Variants in ADORA2B observed in about 807,000 individuals in gnomAD.
ADORA2B encodes adenosine A2b receptor, also known as adenosine receptor A2b.
In ADORA2B, 18 loss-of-function variants were observed where a neutral mutation model predicts 20.8. That is an observed-to-expected ratio of 0.87 (90% CI 0.60 to 1.29). The LOEUF is 1.29. ADORA2B is among the 50% of genes most tolerant of loss of function. ADORA2B has a pLI of 0.00. For missense variants in ADORA2B, 441 were observed against 422.7 expected (o/e 1.04, Z -0.38); for synonymous variants, 179 against 178.3 (o/e 1.00, Z -0.03).
At chr17:15,871,736 TGGG>T in the ADORA2B span, among the ~76,000 whole-genome samples, 23 of 152,252 alleles carry the variant, frequency 1.5e-4, no homozygotes, top group Non-Finnish European at 3.1e-4. Flanking sequence ...ATTAATTCCT[TGGG>T]GGAATTAAAC....
At chr17:15,884,309 C>T in the ADORA2B span, among the ~76,000 whole-genome samples, 13 of 152,328 alleles carry the variant, frequency 8.5e-5, no homozygotes, top group Non-Finnish European at 1.9e-4. Flanking sequence ...TCTGTGCTGG[C>T]TGAACCTTAG....
the ADORA2B span, among the ~76,000 whole-genome samples, chr17:15,852,501 A>T: frequency 6.6e-6 from 1 of 152,320 alleles, no homozygotes; most frequent in East Asian, 1.9e-4. Flanking sequence ...TTTAAAAAAT[A>T]CTAAGTATAC....
chr17:15,898,325 G>C, the ADORA2B span, among the ~76,000 whole-genome samples: 1 of 151,788 alleles, frequency 6.6e-6, no homozygotes, highest in East Asian at 1.9e-4. Flanking sequence ...ATGGCGTTTT[G>C]CTTTTCTGCC....
the ADORA2B span, among the ~76,000 whole-genome samples, chr17:15,851,150 A>G: frequency 3.4e-3 from 516 of 151,564 alleles, 2 homozygotes; most frequent in African/African-American, 0.012. Flanking sequence ...TTTGACCACT[A>G]AAGGGGCTAT....
intron 1 of ADORA2B, among the ~76,000 whole-genome samples, chr17:15,958,681 G>C (rs941912848): frequency 6.6e-6 from 1 of 152,064 alleles, no homozygotes; most frequent in Non-Finnish European, 1.5e-5. Flanking sequence ...AGGCCTTTGC[G>C]CATGTGTTTC....
rs776322369 is a variant in ADORA2B at position 15,974,705 on chromosome 17, G to A, written c.362G>A (p.Arg121Gln). The A allele has an allele frequency of 8.1e-6, 13 of 1,613,906 alleles. No homozygotes were observed. The highest frequency in any genetic ancestry group is 3.3e-4 in the Middle Eastern group (2 of 6,060). ...TATAAAAGTTTGGTCACGGGGACCC[G>A]AGCAAGAGGGGTCATTGCTGTCCTC... Reference protein sequence around the residue: ...LRYKSLVTGTRARGVIAVLWV... With the variant: ...LRYKSLVTGTQARGVIAVLWV... Residue 121 changes from arginine to glutamine, a missense_variant, in exon 2 of 2, where the codon CGA (arginine) becomes CAA (glutamine). By Grantham distance (43) the Arg-to-Gln change is conservative. Coordinates refer to ENST00000304222, the MANE Select transcript of ADORA2B (RefSeq NM_000676.4).
chr17:15,888,851 T>G, the ADORA2B span, among the ~76,000 whole-genome samples: 2 of 6,968 alleles, frequency 2.9e-4, no homozygotes, highest in Non-Finnish European at 4.5e-4. Context: ...TATATATATA[T>G]TTTTTTTTTT....
chr17:15,914,052 C>T, the ADORA2B span, among the ~76,000 whole-genome samples: 4 of 152,178 alleles, frequency 2.6e-5, no homozygotes, highest in African/African-American at 7.2e-5. Flanking sequence ...GGAACAGGCA[C>T]CTAGGCGGGC....
At chr17:15,850,546 A>G in the ADORA2B span, 1 of 158,084 alleles carries the variant, frequency 6.3e-6, no homozygotes, top group South Asian at 2.1e-4. Context: ...CAACATGTAA[A>G]TGTTCCCATC....
chr17:15,921,221 A>C, the ADORA2B span, among the ~76,000 whole-genome samples: 8 of 152,386 alleles, frequency 5.2e-5, no homozygotes, highest in South Asian at 2.1e-4. Context: ...AATCTCAATC[A>C]GAACTGGCTC....
intron 1 of ADORA2B, chr17:15,974,306 C>A: frequency 5.6e-6 from 1 of 178,022 alleles, no homozygotes; most frequent in Non-Finnish European, 1.2e-5. Flanking sequence ...TTAGGCTAAA[C>A]TTGATTTAAC....
the ADORA2B span, among the ~76,000 whole-genome samples, chr17:15,858,205 C>A: frequency 6.6e-6 from 1 of 152,116 alleles, no homozygotes; most frequent in Admixed American, 6.5e-5. Context: ...AATGGCTACA[C>A]CATTGTACGC....
At chr17:15,907,568 T>C in the ADORA2B span, among the ~76,000 whole-genome samples, 13 of 152,308 alleles carry the variant, frequency 8.5e-5, no homozygotes, top group African/African-American at 2.6e-4. Context: ...CTTTCTGGGC[T>C]GGACCTTATG....
At chr17:15,927,253 G>A in the ADORA2B span, among the ~76,000 whole-genome samples, 1 of 152,166 alleles carries the variant, frequency 6.6e-6, no homozygotes, top group Non-Finnish European at 1.5e-5. Flanking sequence ...GGAGGCCAAG[G>A]GAGGCAGATC....
upstream of ADORA2B, among the ~76,000 whole-genome samples, chr17:15,941,311 C>A (rs1238036776): frequency 6.6e-6 from 1 of 152,186 alleles, no homozygotes; most frequent in African/African-American, 2.4e-5. Context: ...CCATCTTATA[C>A]ATAAGAAATA....
rs1969784381 is a variant in ADORA2B, at chr17:15,945,262, C to G, written c.14C>G (p.Thr5Arg). Residue 5 changes from threonine (T) to arginine (R), a missense_variant, in exon 1 of 2, where the codon ACA becomes AGA. Transcript: ENST00000304222. ...GCTGGCCCGGCCATGCTGCTGGAGA[C>G]ACAGGACGCGCTGTACGTGGCGCTG... is the stretch of plus-strand genomic sequence containing the variant. MLLETQDALYVALEL... is the reference protein window; with the variant it reads MLLERQDALYVALEL... The G allele has an allele frequency of 6.7e-7, 1 of 1,488,876 alleles. No individual in the cohort carries two copies. Among genetic ancestry groups the G allele is most frequent in the Non-Finnish European group, 8.9e-7 (1 of 1,121,324 alleles). The allele number at this position is 1,488,876 out of a possible 1,614,324, so 92.2% of individuals were successfully genotyped here.
chr17:15,928,308 A>T, the ADORA2B span, among the ~76,000 whole-genome samples: 1 of 150,430 alleles, frequency 6.6e-6, no homozygotes, highest in African/African-American at 2.4e-5. Flanking sequence ...TGGGGAGATC[A>T]TCGGAAAGGG....
At chr17:15,911,946 C>T in the ADORA2B span, among the ~76,000 whole-genome samples, 1 of 152,124 alleles carries the variant, frequency 6.6e-6, no homozygotes, top group East Asian at 1.9e-4. Flanking sequence ...AGTGTGATGG[C>T]TCACACCTAT....
At chr17:15,859,862 C>T in the ADORA2B span, among the ~76,000 whole-genome samples, 1 of 152,168 alleles carries the variant, frequency 6.6e-6, no homozygotes, top group Non-Finnish European at 1.5e-5. Flanking sequence ...AATATGACAG[C>T]AGAAAGAGCC....
Sources: allele counts gnomAD v4.1 joint callset (sites outside exome capture counted in the v4.1 genomes callset), GRCh38; gene constraint gnomAD v4.1.1; transcripts MANE v1.5; gene names NCBI Gene and HGNC (gene_info 2026-07-23, HGNC 2026-07-21).